The following ENTPD1 variants were observed in gnomAD, a reference collection of about 807,000 sequenced individuals.
The protein encoded by ENTPD1 is ATP diphosphohydrolase.
Under a neutral mutation model 57.0 loss-of-function variants are expected in ENTPD1, and 33 were observed. The observed-to-expected ratio is 0.58, with a 90% CI of 0.44 to 0.77. ENTPD1 has a LOEUF of 0.77. Among genes scored for constraint, ENTPD1 ranks in the 30% least tolerant of loss-of-function variants. ENTPD1 has a pLI of 0.00. For missense variants in ENTPD1, 501 were observed against 603.4 expected (o/e 0.83, Z 1.78); for synonymous variants, 202 against 218.8 (o/e 0.92, Z 0.68).
chr10:95,750,207 G>A (rs1260219499), intron 1 of ENTPD1, among the ~76,000 whole-genome samples: 1 of 152,214 alleles, frequency 6.6e-6, no homozygotes, highest in Non-Finnish European at 1.5e-5. Context: ...CAGTGTTTGT[G>A]TCTGTGGGAA....
At chr10:95,742,840 A>G (rs4568937) in intron 1 of ENTPD1, among the ~76,000 whole-genome samples, 40,889 of 152,106 alleles carry the variant, frequency 0.27, 6,332 homozygotes, top group Admixed American at 0.38. Flanking sequence ...CACTGTTAAC[A>G]TATTTTTTAA....
At chr10:95,839,345 G>T in intron 2 of ENTPD1, 1 of 326,900 alleles carries the variant, frequency 3.1e-6, no homozygotes, top group South Asian at 2.9e-5. Context: ...TAGATTAATG[G>T]CTTTCTATTC....
chr10:95,825,467 A>C (rs999433878), intron 2 of ENTPD1, among the ~76,000 whole-genome samples: 1 of 152,228 alleles, frequency 6.6e-6, no homozygotes, highest in Non-Finnish European at 1.5e-5. Flanking sequence ...TATTGAAATA[A>C]ATGTATTTGC....
At chr10:95,726,633 C>A (rs867516964) in intron 1 of ENTPD1, among the ~76,000 whole-genome samples, 40 of 152,182 alleles carry the variant, frequency 2.6e-4, no homozygotes, top group African/African-American at 8.7e-4. Flanking sequence ...GATGAGAAAG[C>A]TACTGTAAGT....
At chr10:95,756,855 C>T (rs74671500) in intron 1 of ENTPD1, 10,385 of 151,804 alleles carry the variant, frequency 0.068, 441 homozygotes, top group Middle Eastern at 0.13. Flanking sequence ...GGGACGGGGA[C>T]GGGTAGAGGG....
Position 95,869,677 on chromosome 10 carries a change from T to C in ENTPD1, c.*3294T>C. ...CTTAATAAGAAATATGTAAATAAAA[T>C]TTTTTAAAATTACACTTCATTTTAA... On this transcript the variant is annotated 3_prime_UTR_variant, in exon 10 of 10. Transcript: ENST00000371205. The C allele has an allele frequency of 1.0e-6, 1 of 975,000 alleles. No individual in the cohort carries two copies. The highest frequency in any genetic ancestry group is 4.7e-5 in the South Asian group (1 of 21,078). 60.4% of individuals were successfully genotyped at this position (975,000 alleles called of 1,614,324 possible).
intron 1 of ENTPD1, among the ~76,000 whole-genome samples, chr10:95,712,848 C>G (rs998953737): frequency 3.9e-5 from 6 of 152,106 alleles, no homozygotes; most frequent in Non-Finnish European, 7.4e-5. Context: ...TCCTGGCTAA[C>G]ACGATGAAAC....
At chr10:95,810,629 T>G (rs2098302234) in intron 1 of ENTPD1, among the ~76,000 whole-genome samples, 1 of 152,242 alleles carries the variant, frequency 6.6e-6, no homozygotes, top group Admixed American at 6.5e-5. Context: ...CCTTCTTCAC[T>G]CAGGTACAAA....
intron 2 of ENTPD1, among the ~76,000 whole-genome samples, chr10:95,830,933 C>T (rs1434014142): frequency 6.6e-6 from 1 of 152,152 alleles, no homozygotes; most frequent in African/African-American, 2.4e-5. Flanking sequence ...GATTTGTGTT[C>T]CCAAGATTCC....
At chr10:95,782,695 T>G (rs10786235) in intron 1 of ENTPD1, among the ~76,000 whole-genome samples, 24,240 of 152,122 alleles carry the variant, frequency 0.16, 2,496 homozygotes, top group African/African-American at 0.28. Context: ...CCCCCTTGCC[T>G]TATTGATTTC....
chr10:95,875,633 C>T lies in ENTPD1; in HGVS notation c.*9250C>T, dbSNP rs1318596161. 6.0e-6 allele frequency: 1 copy of T among 167,796 alleles called. No individual in the cohort carries two copies. Among genetic ancestry groups the T allele is most frequent in the Non-Finnish European group, 1.2e-5 (1 of 80,304 alleles). 10.4% of individuals were successfully genotyped at this position (167,796 alleles called of 1,614,324 possible). On this transcript the variant is annotated 3_prime_UTR_variant, in exon 10 of 10. Coordinates refer to ENST00000371205, the MANE Select transcript of ENTPD1 (RefSeq NM_001776.6). ...CCCCACTCTACTGGTACTATTAGTC[C>T]ATTTTCATGCTGCTGATAAAGACAT...
intron 7 of ENTPD1, among the ~76,000 whole-genome samples, chr10:95,856,227 C>T (rs192199787): frequency 6.6e-6 from 1 of 152,014 alleles, no homozygotes; most frequent in Non-Finnish European, 1.5e-5. Context: ...AAATGGCCAA[C>T]AAACATGAAA....
chr10:95,846,946 G>A (rs973450440), intron 6 of ENTPD1, among the ~76,000 whole-genome samples: 1 of 151,312 alleles, frequency 6.6e-6, no homozygotes, highest in Non-Finnish European at 1.5e-5. Flanking sequence ...CTGAGATTGC[G>A]CCATTTTACT....
chr10:95,758,405 T>C (rs918660165), intron 1 of ENTPD1, among the ~76,000 whole-genome samples: 1 of 152,226 alleles, frequency 6.6e-6, no homozygotes, highest in Non-Finnish European at 1.5e-5. Context: ...GGGCCTGATA[T>C]ATAGTATTGC....
Position 95,870,358 on chromosome 10 carries a change from C to T in ENTPD1, c.*3975C>T, listed in dbSNP as rs1335946496. The T allele has an allele frequency of 3.2e-6, 3 of 924,326 alleles. No homozygotes were observed. The highest frequency in any genetic ancestry group is 6.2e-5 in the Admixed American group (1 of 16,190). 57.3% of individuals were successfully genotyped at this position (924,326 alleles called of 1,614,324 possible). Reference sequence around the variant, plus strand: ...GGAATGCAGTGGCATGATCATGGCTCACTGCAGCCTCGACCTCCCAAGCTC... The same window carrying T: ...GGAATGCAGTGGCATGATCATGGCTTACTGCAGCCTCGACCTCCCAAGCTC... On this transcript the variant is annotated 3_prime_UTR_variant, in exon 10 of 10. Coordinates refer to ENST00000371205, the MANE Select transcript of ENTPD1 (RefSeq NM_001776.6).
chr10:95,720,255 G>A (rs186548617), intron 1 of ENTPD1, among the ~76,000 whole-genome samples: 13 of 152,212 alleles, frequency 8.5e-5, no homozygotes, highest in South Asian at 6.2e-4. Context: ...CATATTGTCC[G>A]TCTGTTGCCC....
At chr10:95,842,592 CA>C in intron 4 of ENTPD1, 98 bp downstream of exon 4, 1 of 1,357,780 alleles carries the variant, frequency 7.4e-7, no homozygotes, top group African/African-American at 1.5e-5. Context: ...CCTAATACCC[CA>C]AGTTCTACAC....
intron 1 of ENTPD1, among the ~76,000 whole-genome samples, chr10:95,775,848 G>C (rs898378841): frequency 2.6e-5 from 4 of 152,148 alleles, no homozygotes; most frequent in South Asian, 2.1e-4. Flanking sequence ...ATATATTTAG[G>C]ATAGTTAGCT....
chr10:95,806,278 C>G (rs550235397), intron 1 of ENTPD1, among the ~76,000 whole-genome samples: 100 of 152,248 alleles, frequency 6.6e-4, no homozygotes, highest in Non-Finnish European at 9.3e-4. Flanking sequence ...TCCACTTGAT[C>G]GAATCGGCTA....
Sources: allele counts gnomAD v4.1 joint callset (sites outside exome capture counted in the v4.1 genomes callset), GRCh38; gene constraint gnomAD v4.1.1; transcripts MANE v1.5; gene names NCBI Gene and HGNC (gene_info 2026-07-23, HGNC 2026-07-21).